Variants in LDLRAD2 observed in about 807,000 individuals in gnomAD.
LDLRAD2 encodes the protein low-density lipoprotein receptor class A domain-containing protein 2.
A neutral mutation model predicts 24.9 loss-of-function variants in LDLRAD2; 25 were observed. The observed-to-expected ratio is 1.00, with a 90% confidence interval of 0.73 to 1.40. LDLRAD2 has a LOEUF of 1.40. LDLRAD2 is among the 40% of genes most tolerant of loss of function. The pLI, the probability that LDLRAD2 is intolerant of heterozygous loss-of-function variation, is 0.00. For missense variants in LDLRAD2, 391 were observed against 366.2 expected, an observed-to-expected ratio of 1.07 and a Z score of -0.55; for synonymous variants, 182 against 166.7, an observed-to-expected ratio of 1.09 and a Z score of -0.71.
In LDLRAD2 at chr1:21,823,346, G is replaced by T; in HGVS notation, c.*1131G>T. On this transcript the variant is annotated 3_prime_UTR_variant, in exon 5 of 5. Transcript: ENST00000344642. ...AGGGGCAGGGGCGTGTGTTGGCCCC[G>T]GCCTGGGCGCGGTGCTGCAGGTCCA... is the stretch of plus-strand genomic sequence containing the variant. The T allele has an allele frequency of 6.5e-7, 1 of 1,543,444 alleles. No individual in the cohort carries two copies. Among genetic ancestry groups the T allele is most frequent in the Non-Finnish European group, 8.7e-7 (1 of 1,147,908 alleles).
At chr1:21,813,401 T>C (rs35457662) in intron 1 of LDLRAD2, among the ~76,000 whole-genome samples, 20,506 of 152,172 alleles carry the variant, frequency 0.13, 1,668 homozygotes, top group South Asian at 0.24. Context: ...AAATACCAAA[T>C]ATTGGAAAGT....
At chr1:21,813,526 C>T (rs183683606) in intron 1 of LDLRAD2, among the ~76,000 whole-genome samples, 19 of 152,298 alleles carry the variant, frequency 1.2e-4, no homozygotes, top group Admixed American at 9.8e-4. Flanking sequence ...CTCCTCTTTC[C>T]TCTCTGTGCT....
chr1:21,820,531 AAAAAAAAAAAG>A (rs1363646843), intron 3 of LDLRAD2, among the ~76,000 whole-genome samples: 2 of 150,672 alleles, frequency 1.3e-5, no homozygotes, highest in African/African-American at 4.9e-5. Context: ...TCAAAAAAAA[AAAAAAAAAAAG>A]AAAAGAAAAG....
chr1:21,822,405 G>A lies in LDLRAD2; in HGVS notation c.*190G>A, dbSNP rs1173615953. ...AGGCTCCTGCAGATGGGGCAGGGTGGTCATATCCCCCTCCTCTCTCTCTCA... is the reference window on the plus strand; with the variant it reads ...AGGCTCCTGCAGATGGGGCAGGGTGATCATATCCCCCTCCTCTCTCTCTCA... On this transcript the variant is annotated 3_prime_UTR_variant, in exon 5 of 5. Transcript: ENST00000344642. 4 of 619,868 alleles carry A rather than the reference G, an allele frequency of 6.5e-6. No homozygotes were observed. Among genetic ancestry groups the A allele is most frequent in the Non-Finnish European group, 1.2e-5 (4 of 346,156 alleles). 38.4% of individuals were successfully genotyped at this position (619,868 alleles called of 1,614,324 possible). A position where few individuals can be genotyped will look rare whatever the true frequency, so the allele number is the denominator to read the frequency against.
chr1:21,823,474 C>A lies in LDLRAD2; in HGVS notation c.*1259C>A. ...AATCTGCCCCCGGTCAGCGTGGCCA[C>A]GTCAGGGGCTCCGCCTGCCGGGAGG... On this transcript the variant is annotated 3_prime_UTR_variant, in exon 5 of 5. Coordinates refer to ENST00000344642, the MANE Select transcript of LDLRAD2 (RefSeq NM_001013693.3). 1 of 1,599,734 alleles carries A rather than the reference C, an allele frequency of 6.3e-7. No individual in the cohort carries two copies. Among genetic ancestry groups the A allele is most frequent in the East Asian group, 2.2e-5 (1 of 44,542 alleles).
Position 21,821,615 on chromosome 1 carries a change from A to C in LDLRAD2, c.805+4A>C, listed in dbSNP as rs1167255372. ...AGACAAGACGCAGCTTTGGAAGGTT[A>C]CACCTTGCTCCTACTCTTCCCACCA... On this transcript the variant is annotated splice_donor_region_variant and intron_variant, in intron 4 of 4. Transcript: ENST00000344642. 1 of 1,613,316 alleles carries C rather than the reference A, an allele frequency of 6.2e-7. No homozygotes were observed. Among genetic ancestry groups the C allele is most frequent in the East Asian group, 2.2e-5 (1 of 44,864 alleles).
At chr1:21,815,364 T>C (rs1394327372) in intron 2 of LDLRAD2, among the ~76,000 whole-genome samples, 4 of 152,266 alleles carry the variant, frequency 2.6e-5, no homozygotes, top group Non-Finnish European at 5.9e-5. Context: ...ACATGCTGGC[T>C]GCTCTGCGCT....
At chr1:21,815,689 G>A (rs1019923547) in intron 2 of LDLRAD2, among the ~76,000 whole-genome samples, 3 of 152,174 alleles carry the variant, frequency 2.0e-5, no homozygotes, top group African/African-American at 4.8e-5. Flanking sequence ...CCCCATAGGG[G>A]TATTGTGAGG....
intron 3 of LDLRAD2, among the ~76,000 whole-genome samples, chr1:21,816,836 A>G (rs1016527787): frequency 2.0e-5 from 3 of 152,022 alleles, no homozygotes; most frequent in Non-Finnish European, 4.4e-5. Context: ...CCCAGGTCCT[A>G]TGTCCCCTTG....
intron 4 of LDLRAD2, 35 bp downstream of exon 4, chr1:21,821,646 A>C (rs1396242685): frequency 1.2e-6 from 2 of 1,607,192 alleles, no homozygotes. Flanking sequence ...CACCAAAATC[A>C]TACCTGTCCC....
intron 3 of LDLRAD2, 28 bp downstream of exon 3, chr1:21,816,102 A>T (rs1437571433): frequency 3.7e-6 from 6 of 1,608,064 alleles, no homozygotes; most frequent in Non-Finnish European, 5.1e-6. Flanking sequence ...ACTGGGCCCT[A>T]CTGAACAGCT....
chr1:21,818,491 A>T (rs1246452937), intron 3 of LDLRAD2, among the ~76,000 whole-genome samples: 1 of 152,218 alleles, frequency 6.6e-6, no homozygotes, highest in African/African-American at 2.4e-5. Context: ...CTAGAGTTAC[A>T]GTTCACAGAG....
intron 3 of LDLRAD2, among the ~76,000 whole-genome samples, chr1:21,816,494 G>T (rs2097944152): frequency 6.6e-6 from 1 of 152,186 alleles, no homozygotes; most frequent in African/African-American, 2.4e-5. Flanking sequence ...CTGAGGCCTA[G>T]AGAGAAGTGA....
Position 21,823,698 on chromosome 1 carries a change from G to T in LDLRAD2, c.*1483G>T. 1.2e-6 allele frequency: 2 copies of T among 1,613,580 alleles called. No homozygotes were observed. Among genetic ancestry groups the T allele is most frequent in the South Asian group, 1.1e-5 (1 of 91,088 alleles). ...TGACCAGCTCCTCACCGTCGACTTGGATGGAACCTCTGCGGCCCTCCCTGC... is the reference window on the plus strand; with the variant it reads ...TGACCAGCTCCTCACCGTCGACTTGTATGGAACCTCTGCGGCCCTCCCTGC... On this transcript the variant is annotated 3_prime_UTR_variant, in exon 5 of 5. Coordinates refer to ENST00000344642, the MANE Select transcript of LDLRAD2 (RefSeq NM_001013693.3).
In LDLRAD2 at chr1:21,822,450, C is replaced by A; in HGVS notation, c.*235C>A. 2 of 566,686 alleles carry A rather than the reference C, an allele frequency of 3.5e-6. No individual in the cohort carries two copies. The highest frequency in any genetic ancestry group is 3.8e-5 in the African/African-American group (2 of 53,262). The allele number at this position is 566,686 out of a possible 1,614,324, so 35.1% of individuals were successfully genotyped here. On this transcript the variant is annotated 3_prime_UTR_variant, in exon 5 of 5. Coordinates refer to ENST00000344642, the MANE Select transcript of LDLRAD2 (RefSeq NM_001013693.3). Reference sequence around the variant, plus strand: ...CTCTCAGTCGTGAGTCCTGCCTTCCCCCACCTAAGGCACTAGCTCTTCCTG... The same window carrying A: ...CTCTCAGTCGTGAGTCCTGCCTTCCACCACCTAAGGCACTAGCTCTTCCTG...
chr1:21,815,996 C>G lies in LDLRAD2; in HGVS notation c.565C>G (p.Leu189Val). The G allele has an allele frequency of 6.2e-7, 1 of 1,613,966 alleles. No homozygotes were observed. Among genetic ancestry groups the G allele is most frequent in the Non-Finnish European group, 8.5e-7 (1 of 1,180,018 alleles). ...CQNGRCIPSSLVCDPWGMDNC... is the reference protein window; with the variant it reads ...CQNGRCIPSSVVCDPWGMDNC... ...GAATGGCAGGTGCATCCCCTCAAGC[C>G]TCGTGTGTGACCCCTGGGGCATGGA... Residue 189 changes from leucine to valine, a missense_variant, in exon 3 of 5, where the codon CTC (leucine) becomes GTC (valine). Transcript: ENST00000344642.
intron 3 of LDLRAD2, among the ~76,000 whole-genome samples, chr1:21,817,561 G>A (rs983354577): frequency 4.6e-5 from 7 of 151,996 alleles, no homozygotes; most frequent in African/African-American, 1.5e-4. Context: ...GGCTAGTCTC[G>A]AACTCCTGGA....
Position 21,824,845 on chromosome 1 carries a change from CCT to C in LDLRAD2, c.*2631_*2632del, listed in dbSNP as rs1472135715. ...GGCATCAAAATCCCCCGTCAGTTCC[CCT>C]GACCCCCACCTCCACGCCAACATGC... is the stretch of plus-strand genomic sequence containing the variant. On this transcript the variant is annotated 3_prime_UTR_variant, in exon 5 of 5. Transcript: ENST00000344642. The surrounding 1 kb of genome is among the most constrained non-coding windows in gnomAD (Gnocchi z 5.9). 4 of 1,426,096 alleles carry C rather than the reference CCT, an allele frequency of 2.8e-6. No homozygotes were observed. Among genetic ancestry groups the C allele is most frequent in the Non-Finnish European group, 3.9e-6 (4 of 1,030,040 alleles). 88.3% of individuals were successfully genotyped at this position (1,426,096 alleles called of 1,614,324 possible). A position where few individuals can be genotyped will look rare whatever the true frequency, so the allele number is the denominator to read the frequency against.
At chr1:21,817,124 A>G (rs367864974) in intron 3 of LDLRAD2, among the ~76,000 whole-genome samples, 22 of 152,130 alleles carry the variant, frequency 1.4e-4, no homozygotes, top group African/African-American at 4.1e-4. Context: ...CCTATAACCC[A>G]TAACCAAGCC....
Sources: gnomAD v4.1 joint callset for allele counts (sites outside exome capture counted in the v4.1 genomes callset) on GRCh38, gnomAD v4.1.1 for gene constraint, Gnocchi (gnomAD v3.1) non-coding constraint, MANE v1.5 for transcripts, NCBI Gene and HGNC (gene_info 2026-07-23, HGNC 2026-07-21) for gene names.